The following FHIT variants were observed in gnomAD, a reference collection of about 807,000 sequenced individuals.
The protein encoded by FHIT is fragile histidine triad diadenosine triphosphatase.
A neutral mutation model predicts 17.9 loss-of-function variants in FHIT; 19 were observed. The observed-to-expected ratio is 1.06, with a 90% CI of 0.74 to 1.56. FHIT has a LOEUF of 1.56. Ranked by LOEUF, FHIT falls within the 40% of genes most tolerant of loss-of-function variation. FHIT has a pLI of 0.00. For missense variants in FHIT, 248 were observed against 189.2 expected (o/e 1.31, Z -1.82); for synonymous variants, 81 against 69.7 (o/e 1.16, Z -0.81).
intron 4 of FHIT, among the ~76,000 whole-genome samples, chr3:60,578,440 A>AAC (rs71748891): frequency 0.057 from 8,207 of 144,316 alleles, 238 homozygotes; most frequent in African/African-American, 0.073. Context: ...CCATCTACAA[A>AAC]ACACACACAC....
chr3:60,963,792 G>C (rs912252448), intron 3 of FHIT, among the ~76,000 whole-genome samples: 7 of 152,182 alleles, frequency 4.6e-5, no homozygotes, highest in Admixed American at 2.0e-4. Flanking sequence ...TGTGGTCTGA[G>C]AGACAGTTTA....
chr3:61,087,010 C>A (rs1281279233), intron 2 of FHIT, among the ~76,000 whole-genome samples: 1 of 152,122 alleles, frequency 6.6e-6, no homozygotes, highest in Non-Finnish European at 1.5e-5. Context: ...ATTCCCAAAT[C>A]AGTGCTTTTG....
chr3:61,010,123 C>A (rs953770181), intron 3 of FHIT, among the ~76,000 whole-genome samples: 12 of 151,860 alleles, frequency 7.9e-5, no homozygotes, highest in Non-Finnish European at 1.0e-4. Context: ...GGTATCTCTG[C>A]GCATATCTTC....
intron 3 of FHIT, among the ~76,000 whole-genome samples, chr3:60,934,242 C>T (rs569800690): frequency 6.9e-4 from 105 of 151,094 alleles, no homozygotes; most frequent in Non-Finnish European, 1.3e-3. Flanking sequence ...AATTCATGGG[C>T]GAATGTGTCA....
At chr3:60,252,040 G>A (rs751504291) in intron 5 of FHIT, among the ~76,000 whole-genome samples, 20 of 152,158 alleles carry the variant, frequency 1.3e-4, no homozygotes, top group Admixed American at 5.9e-4. Flanking sequence ...CATGAGTACC[G>A]AATGTGTGCC....
At chr3:60,798,337 CTT>C (rs1701063083) in intron 4 of FHIT, among the ~76,000 whole-genome samples, 1 of 152,134 alleles carries the variant, frequency 6.6e-6, no homozygotes, top group Non-Finnish European at 1.5e-5. Flanking sequence ...ATATTTCAGT[CTT>C]TTAAAAAACT....
intron 1 of FHIT, among the ~76,000 whole-genome samples, chr3:61,243,683 G>A (rs903797738): frequency 6.6e-6 from 1 of 152,076 alleles, no homozygotes; most frequent in South Asian, 2.1e-4. Flanking sequence ...GAGTTTCTTT[G>A]GAACACAGTT....
intron 5 of FHIT, among the ~76,000 whole-genome samples, chr3:60,083,140 A>G (rs1177012228): frequency 1.3e-5 from 2 of 152,140 alleles, no homozygotes; most frequent in East Asian, 3.8e-4. Context: ...TAATTTTTGT[A>G]TATGGTGAAA....
At chr3:59,866,551 G>A (rs1012503828) in intron 8 of FHIT, among the ~76,000 whole-genome samples, 2 of 152,202 alleles carry the variant, frequency 1.3e-5, no homozygotes, top group African/African-American at 2.4e-5. Context: ...TAGGCTGGAG[G>A]ATCAACAAGA....
chr3:60,246,607 A>C (rs1705408248), intron 5 of FHIT, among the ~76,000 whole-genome samples: 1 of 152,134 alleles, frequency 6.6e-6, no homozygotes, highest in Admixed American at 6.5e-5. Flanking sequence ...ACAAATTTTA[A>C]GGGTGAGAGC....
intron 3 of FHIT, among the ~76,000 whole-genome samples, chr3:61,004,743 T>G (rs1360904435): frequency 6.6e-6 from 1 of 152,006 alleles, no homozygotes; most frequent in Non-Finnish European, 1.5e-5. Context: ...AAAAACCCAC[T>G]GATGAAGCAT....
At chr3:60,947,144 A>G (rs570043699) in intron 3 of FHIT, among the ~76,000 whole-genome samples, 2 of 152,302 alleles carry the variant, frequency 1.3e-5, no homozygotes, top group South Asian at 4.1e-4. Flanking sequence ...TTGTAGCAGG[A>G]AGAGGTGAGG....
chr3:60,804,832 A>G (rs782343082), intron 4 of FHIT, among the ~76,000 whole-genome samples: 2 of 152,100 alleles, frequency 1.3e-5, no homozygotes, highest in Non-Finnish European at 2.9e-5. Flanking sequence ...CCATTCTTCA[A>G]TGCCACCTCC....
chr3:59,917,932 G>A (rs1245109932), intron 8 of FHIT, among the ~76,000 whole-genome samples: 1 of 152,226 alleles, frequency 6.6e-6, no homozygotes, highest in Non-Finnish European at 1.5e-5. Flanking sequence ...TTCGACATGT[G>A]CCTATCAGAC....
At chr3:60,512,105 C>T (rs994419706) in intron 5 of FHIT, among the ~76,000 whole-genome samples, 5 of 152,080 alleles carry the variant, frequency 3.3e-5, no homozygotes, top group Admixed American at 6.5e-5. Flanking sequence ...ATGACTCAAG[C>T]CAGAATCACC....
chr3:60,117,286 G>C (rs1405008968), intron 5 of FHIT, among the ~76,000 whole-genome samples: 11 of 152,132 alleles, frequency 7.2e-5, no homozygotes, highest in Non-Finnish European at 1.3e-4. Flanking sequence ...TGGGTAAATA[G>C]TAGAATAGGT....
intron 2 of FHIT, among the ~76,000 whole-genome samples, chr3:61,046,696 G>T (rs1437486660): frequency 6.6e-6 from 1 of 152,060 alleles, no homozygotes; most frequent in African/African-American, 2.4e-5. Flanking sequence ...ACAAAAAAGA[G>T]ACTTTTAGAC....
At chr3:60,008,224 T>G (rs1699998734) in intron 7 of FHIT, among the ~76,000 whole-genome samples, 1 of 152,092 alleles carries the variant, frequency 6.6e-6, no homozygotes, top group Admixed American at 6.6e-5. Flanking sequence ...GGGAGGCTGT[T>G]TGGATCTGTA....
At chr3:59,991,787 A>G (rs1225150873) in intron 7 of FHIT, among the ~76,000 whole-genome samples, 1 of 151,958 alleles carries the variant, frequency 6.6e-6, no homozygotes, top group Admixed American at 6.6e-5. Flanking sequence ...AAGATGCTCA[A>G]CTCACTACTG....
Sources: gnomAD v4.1 joint callset for allele counts (sites outside exome capture counted in the v4.1 genomes callset) on GRCh38, gnomAD v4.1.1 for gene constraint, MANE v1.5 for transcripts, NCBI Gene and HGNC (gene_info 2026-07-23, HGNC 2026-07-21) for gene names.